The following B3GNT3 variants were observed in gnomAD, a reference collection of about 807,000 sequenced individuals.
The protein encoded by B3GNT3 is UDP-GlcNAc:betaGal beta-1,3-N-acetylglucosaminyltransferase 3.
In B3GNT3, 7 loss-of-function variants were observed where a neutral mutation model predicts 11.6. The ratio of observed to expected loss-of-function variants is 0.60; its 90% confidence interval spans 0.34 to 1.13. B3GNT3 has a LOEUF of 1.13. B3GNT3 is among the 50% of genes most tolerant of loss of function. The pLI is 0.03. For synonymous variants in B3GNT3, 201 were observed against 222.1 expected (o/e 0.90, Z 0.85); for missense variants, 400 against 507.4 (o/e 0.79, Z 2.03).
chr19:17,802,344 T>A (rs938088603), intron 1 of B3GNT3, among the ~76,000 whole-genome samples: 1 of 152,100 alleles, frequency 6.6e-6, no homozygotes, highest in Non-Finnish European at 1.5e-5. Flanking sequence ...TGCAGTGAGA[T>A]AGGAGGTGAT....
chr19:17,795,824 C>CT (rs1226648858), intron 1 of B3GNT3, among the ~76,000 whole-genome samples: 5 of 152,244 alleles, frequency 3.3e-5, no homozygotes, highest in African/African-American at 1.2e-4. Context: ...ATGAGGTGTA[C>CT]TGCTGGCCAC....
intron 1 of B3GNT3, among the ~76,000 whole-genome samples, chr19:17,797,946 G>A (rs1568389189): frequency 6.6e-6 from 1 of 152,196 alleles, no homozygotes; most frequent in Non-Finnish European, 1.5e-5. Context: ...ACCCACAGGG[G>A]CTGGCAGATC....
intron 2 of B3GNT3, among the ~76,000 whole-genome samples, chr19:17,809,609 G>C (rs1401197689): frequency 1.3e-5 from 2 of 151,800 alleles, no homozygotes; most frequent in Non-Finnish European, 2.9e-5. Context: ...ACTATGCCCA[G>C]CTAATTTTTT....
At chr19:17,799,271 T>TG (rs1215761485) in intron 1 of B3GNT3, among the ~76,000 whole-genome samples, 1 of 125,688 alleles carries the variant, frequency 8.0e-6, no homozygotes, top group East Asian at 2.0e-4. Context: ...CATTCCAGCT[T>TG]TTTTTTTTTT....
intron 1 of B3GNT3, among the ~76,000 whole-genome samples, chr19:17,799,726 T>G (rs535350449): frequency 1.3e-4 from 19 of 151,590 alleles, no homozygotes; most frequent in South Asian, 6.3e-4. Flanking sequence ...CACAGACCAG[T>G]CCTCCCAGCT....
intron 1 of B3GNT3, among the ~76,000 whole-genome samples, chr19:17,803,805 C>T (rs111435909): frequency 2.6e-5 from 4 of 151,056 alleles, no homozygotes; most frequent in South Asian, 2.1e-4. Context: ...GAGCTATGAT[C>T]GCCACTGCAC....
At chr19:17,804,240 CTTT>C (rs773524591) in intron 1 of B3GNT3, among the ~76,000 whole-genome samples, 1 of 112,180 alleles carries the variant, frequency 8.9e-6, no homozygotes, top group Non-Finnish European at 1.8e-5. Context: ...TCTTTTTTTT[CTTT>C]TTTTTTTTTT....
intron 2 of B3GNT3, 101 bp downstream of exon 2, chr19:17,808,475 C>G (rs1384675578): frequency 1.7e-6 from 2 of 1,203,676 alleles, no homozygotes; most frequent in South Asian, 1.6e-5. Context: ...CCTCGTCAGT[C>G]CATCACAGCC....
Position 17,807,037 on chromosome 19 carries a change from C to T in B3GNT3, c.-50-721C>T, listed in dbSNP as rs185610380. Among the ~76,000 whole-genome samples, 33 of 150,888 alleles carry T rather than the reference C, an allele frequency of 2.2e-4. 1 individual carries two copies. The East Asian group carries it at 6.2e-3, about 28-fold the overall frequency. On this transcript the variant is annotated intron_variant, in intron 1 of 2. Transcript: ENST00000318683. ...GAATCAAGGTAGCCAGGATGGTGGACTCATGGTCACTGAGGCGGTCACCAC... is the reference window on the plus strand; with the variant it reads ...GAATCAAGGTAGCCAGGATGGTGGATTCATGGTCACTGAGGCGGTCACCAC...
In B3GNT3 at chr19:17,808,002, C is replaced by A. The variant is rs1393554969; in HGVS notation, c.195C>A (p.Thr65=). The change falls in exon 2 of 3, where the codon ACC becomes ACA. Residue 65 remains threonine (T), a synonymous_variant. Transcript: ENST00000318683. ...CCCCGGCCCCGTGCCATGCCAACAC[C>A]TCTATGGTCACCCACCCGGACTTCG... The part of the protein sequence containing the change: ...RPAPAPCHAN[T]SMVTHPDFAT... The A allele has an allele frequency of 6.2e-7, 1 of 1,612,068 alleles. No individual in the cohort carries two copies. The highest frequency in any genetic ancestry group is 1.1e-5 in the South Asian group (1 of 90,872).
intron 2 of B3GNT3, among the ~76,000 whole-genome samples, chr19:17,810,431 T>C (rs1384368585): frequency 1.3e-5 from 2 of 151,454 alleles, no homozygotes; most frequent in Non-Finnish European, 2.9e-5. Flanking sequence ...CAAAAAACCC[T>C]TTAAAAGTGT....
At chr19:17,804,653 T>C (rs1171881413) in intron 1 of B3GNT3, among the ~76,000 whole-genome samples, 1 of 149,900 alleles carries the variant, frequency 6.7e-6, no homozygotes, top group African/African-American at 2.5e-5. Context: ...TTTTCCTTCC[T>C]CAGCCTCCTG....
chr19:17,802,019 CG>C (rs949496175), intron 1 of B3GNT3, among the ~76,000 whole-genome samples: 20 of 151,238 alleles, frequency 1.3e-4, no homozygotes, highest in African/African-American at 4.9e-4. Context: ...ACCTGGGAAG[CG>C]GGGGTTGCAG....
Position 17,808,335 on chromosome 19 carries a change from G to A in B3GNT3, c.528G>A (p.Trp176Ter). Reference protein sequence around the residue: ...EAQTHGDILQWDFHDSFFNLT... With the variant: ...EAQTHGDILQ Reference sequence around the variant, plus strand: ...AGACTCACGGAGACATCCTGCAGTGGGACTTCCACGACTCCTTCTTCAACC... The same window carrying A: ...AGACTCACGGAGACATCCTGCAGTGAGACTTCCACGACTCCTTCTTCAACC... The change falls in exon 2 of 3, where the codon TGG (tryptophan) becomes TGA (stop). Residue 176 changes from tryptophan to a stop codon, truncating the protein, a stop_gained. Transcript: ENST00000318683. LOFTEE classifies it low-confidence loss of function (END_TRUNC). 1 of 1,611,322 alleles carries A rather than the reference G, an allele frequency of 6.2e-7. No homozygotes were observed. The highest frequency in any genetic ancestry group is 8.5e-7 in the Non-Finnish European group (1 of 1,178,734).
chr19:17,811,629 G>A lies in B3GNT3; in HGVS notation c.626G>A (p.Gly209Glu), dbSNP rs1243840761. The A allele has an allele frequency of 6.2e-7, 1 of 1,614,194 alleles. No homozygotes were observed. The part of the protein sequence containing the change: ...RCANASFVLN[G>E]DDDVFAHTDN... ...GCCAACGCCAGCTTCGTGCTCAACG[G>A]GGATGATGACGTCTTTGCACACACA... Residue 209 changes from glycine to glutamate, a missense_variant, in exon 3 of 3, where the codon GGG (glycine) becomes GAG (glutamate). Transcript: ENST00000318683. The surrounding 1 kb of genome is among the most constrained non-coding windows in gnomAD (Gnocchi z 4.1).
At chr19:17,806,749 C>T (rs1257702437) in intron 1 of B3GNT3, among the ~76,000 whole-genome samples, 2 of 151,850 alleles carry the variant, frequency 1.3e-5, no homozygotes, top group Non-Finnish European at 2.9e-5. Flanking sequence ...GTCAGGAGAT[C>T]GAGACCATCC....
chr19:17,807,688 C>A, intron 1 of B3GNT3, 70 bp from the exon 2 acceptor site: 1 of 975,912 alleles, frequency 1.0e-6, no homozygotes, highest in Non-Finnish European at 1.5e-6. Flanking sequence ...ACAGGTGCAA[C>A]CAGATGTTGG....
Position 17,808,135 on chromosome 19 carries a change from C to A in B3GNT3, c.328C>A (p.Leu110Met). Residue 110 changes from leucine (L) to methionine (M), a missense_variant, in exon 2 of 3, where the codon CTG (leucine) becomes ATG (methionine). Leu to Met is a conservative substitution (Grantham distance 15). Coordinates refer to ENST00000318683, the MANE Select transcript of B3GNT3 (RefSeq NM_014256.4). ...PSKCAQPVFL[L>M]LVIKSSPSNY... ...TAAGTGCGCGCAGCCGGTCTTCCTG[C>A]TGCTGGTGATCAAGTCCTCCCCTAG... 6.2e-7 allele frequency: 1 copy of A among 1,613,712 alleles called. No individual in the cohort carries two copies. Among genetic ancestry groups the A allele is most frequent in the Non-Finnish European group, 8.5e-7 (1 of 1,179,864 alleles).
intron 1 of B3GNT3, among the ~76,000 whole-genome samples, chr19:17,798,346 GC>G (rs1481261914): frequency 6.6e-6 from 1 of 152,170 alleles, no homozygotes; most frequent in East Asian, 1.9e-4. Context: ...TCACAACTCT[GC>G]AGGTGATAAG....
Sources: allele counts gnomAD v4.1 joint callset (sites outside exome capture counted in the v4.1 genomes callset), GRCh38; gene constraint gnomAD v4.1.1; non-coding constraint Gnocchi (gnomAD v3.1); transcripts MANE v1.5; gene names NCBI Gene and HGNC (gene_info 2026-07-23, HGNC 2026-07-21).